Variants in ZNF787 observed in about 807,000 individuals in gnomAD.
The protein encoded by ZNF787 is zinc finger protein 787, also known as TTF-I-interacting peptide 20.
In ZNF787, 7 loss-of-function variants were observed where a neutral mutation model predicts 16.9. The observed-to-expected ratio is 0.42, with a 90% CI of 0.24 to 0.78. The LOEUF (loss-of-function observed/expected upper bound fraction) is 0.78. ZNF787 is among the 30% of genes least tolerant of loss of function. The pLI, the probability that ZNF787 is intolerant of heterozygous loss-of-function variation, is 0.30. For synonymous variants in ZNF787, 345 were observed against 270.9 expected (o/e 1.27, Z -2.69); for missense variants, 551 against 589.3 (o/e 0.94, Z 0.67).
At chr19:56,095,499 G>A (rs1985837285) in intron 2 of ZNF787, among the ~76,000 whole-genome samples, 1 of 152,186 alleles carries the variant, frequency 6.6e-6, no homozygotes, top group Non-Finnish European at 1.5e-5. Context: ...TTGGTTCAGG[G>A]TAGCTGTTCT....
chr19:56,108,590 AC>A (rs2123420700), intron 1 of ZNF787, among the ~76,000 whole-genome samples: 1 of 151,888 alleles, frequency 6.6e-6, no homozygotes, highest in Non-Finnish European at 1.5e-5. Flanking sequence ...TCCTCCCGGC[AC>A]CCTGTCATGT....
intron 1 of ZNF787, among the ~76,000 whole-genome samples, chr19:56,120,085 G>A (rs1007319623): frequency 6.6e-6 from 1 of 152,196 alleles, no homozygotes; most frequent in African/African-American, 2.4e-5. Flanking sequence ...TCTCCATCAG[G>A]GGTCTGGTCA....
At chr19:56,109,331 G>T (rs182039260) in intron 1 of ZNF787, among the ~76,000 whole-genome samples, 1 of 152,138 alleles carries the variant, frequency 6.6e-6, no homozygotes, top group South Asian at 2.1e-4. Flanking sequence ...CAGCAGATGC[G>T]AGAAGGGTGC....
At position 56,088,014 on chromosome 19, in the gene ZNF787, G is replaced by GCCCCCCCCCA; in HGVS notation, c.*8_*9insTGGGGGGGGG. The GCCCCCCCCCA allele has an allele frequency of 1.0e-6, 1 of 1,001,640 alleles. No homozygotes were observed. The highest frequency in any genetic ancestry group is 4.1e-5 in the South Asian group (1 of 24,616). The allele number at this position is 1,001,640 out of a possible 1,614,324, so 62.0% of individuals were successfully genotyped here. Reference sequence around the variant, plus strand: ...GGGCCCTGCCCGCCCCCCCCCCCGGGCCCCTCCCCTACCGGCCCTCCCCAC... The same window carrying GCCCCCCCCCA: ...GGGCCCTGCCCGCCCCCCCCCCCGGGCCCCCCCCCACCCCTCCCCTACCGGCCCTCCCCAC... On this transcript the variant is annotated 3_prime_UTR_variant, in exon 3 of 3. Coordinates refer to ENST00000610935, the MANE Select transcript of ZNF787 (RefSeq NM_001002836.4). The surrounding 1 kb of genome is among the most constrained non-coding windows in gnomAD (Gnocchi z 8.6).
chr19:56,113,688 C>CAGATCA (rs2030047342), intron 1 of ZNF787, among the ~76,000 whole-genome samples: 1 of 50,902 alleles, frequency 2.0e-5, no homozygotes, highest in East Asian at 1.2e-3. Context: ...GGAACCGGGA[C>CAGATCA]GCAGGGAGGC....
chr19:56,103,048 G>C (rs759208783), intron 2 of ZNF787, 91 bp downstream of exon 2: 1 of 1,449,034 alleles, frequency 6.9e-7, no homozygotes, highest in East Asian at 2.3e-5. Context: ...GGGAAAACAG[G>C]GAAGGGGGGT....
intron 1 of ZNF787, among the ~76,000 whole-genome samples, chr19:56,107,606 C>T (rs903718812): frequency 3.4e-5 from 5 of 145,718 alleles, no homozygotes; most frequent in East Asian, 2.0e-4. Flanking sequence ...CCAGGAGGGC[C>T]GAGGTCCTGC....
At chr19:56,115,341 G>A (rs1194217392) in intron 1 of ZNF787, among the ~76,000 whole-genome samples, 1 of 149,302 alleles carries the variant, frequency 6.7e-6, no homozygotes, top group African/African-American at 2.5e-5. Flanking sequence ...GCCGCGGCAC[G>A]TTGATTTCGC....
At position 56,108,806 on chromosome 19, in the gene ZNF787, A is replaced by AC. The variant is rs373589278; in HGVS notation, c.-10-5580dup. On this transcript the variant is annotated intron_variant, in intron 1 of 2. Transcript: ENST00000610935. Reference sequence around the variant, plus strand: ...GACAGGCAGACCTCCCCTCGGACAGACCCCCGTGGGCTCTGGGTGCCTCGG... The same window carrying AC: ...GACAGGCAGACCTCCCCTCGGACAGACCCCCCGTGGGCTCTGGGTGCCTCGG... 5.3e-3 allele frequency among the ~76,000 whole-genome samples: 804 copies of AC among 152,084 alleles called. 7 individuals carry two copies. The highest frequency in any genetic ancestry group is 0.018 in the African/African-American group (755 of 41,484).
chr19:56,119,736 A>G (rs1406567648), intron 1 of ZNF787, among the ~76,000 whole-genome samples: 2 of 152,226 alleles, frequency 1.3e-5, no homozygotes, highest in African/African-American at 4.8e-5. Flanking sequence ...TGGATAAGAC[A>G]TGAGATAAGC....
rs1427843041 is a variant in ZNF787, at chr19:56,089,030, G to A, written c.142C>T (p.Pro48Ser). ...GGGCCGGCTGGGGGCGCAGACTGGGGCGGGGACAGCTTGGTGGGAGGCCAG... is the reference window on the plus strand; with the variant it reads ...GGGCCGGCTGGGGGCGCAGACTGGGACGGGGACAGCTTGGTGGGAGGCCAG... The part of the protein sequence containing the change: ...PSWPPTKLSP[P>S]QSAPPAGPPP... The change falls in exon 3 of 3, where the codon CCC becomes TCC. Residue 48 changes from proline (P) to serine (S), a missense_variant. Pro to Ser is a moderately conservative substitution (Grantham distance 74). Around this residue, in one of 4 missense-constraint regions of ZNF787, gnomAD observed 80 missense variants for 105.9 expected, o/e 0.76. Coordinates refer to ENST00000610935, the MANE Select transcript of ZNF787 (RefSeq NM_001002836.4). The A allele has an allele frequency of 2.0e-6, 3 of 1,474,814 alleles. No individual in the cohort carries two copies. The highest frequency in any genetic ancestry group is 5.3e-5 in the Admixed American group (2 of 37,984). The allele number at this position is 1,474,814 out of a possible 1,614,324, so 91.4% of individuals were successfully genotyped here. A position where few individuals can be genotyped will look rare whatever the true frequency, so the allele number is the denominator to read the frequency against.
intron 1 of ZNF787, among the ~76,000 whole-genome samples, chr19:56,108,904 C>A (rs1156741995): frequency 3.9e-5 from 6 of 152,148 alleles, no homozygotes; most frequent in Non-Finnish European, 8.8e-5. Flanking sequence ...TCTCCAGAGG[C>A]TACCGACAGG....
At chr19:56,103,017 G>C in intron 2 of ZNF787, 122 bp downstream of exon 2, 15 of 1,067,766 alleles carry the variant, frequency 1.4e-5, no homozygotes, top group Non-Finnish European at 2.1e-5. Flanking sequence ...CCAGGGTCGG[G>C]TGGTCCCAGG....
At position 56,088,245 on chromosome 19, in the gene ZNF787, C is replaced by T; in HGVS notation, c.927G>A (p.Ala309=). 2 of 1,474,214 alleles carry T rather than the reference C, an allele frequency of 1.4e-6. No individual in the cohort carries two copies. Among genetic ancestry groups the T allele is most frequent in the Admixed American group, 4.5e-5 (2 of 43,978 alleles). 91.3% of individuals were successfully genotyped at this position (1,474,214 alleles called of 1,614,324 possible). A position where few individuals can be genotyped will look rare whatever the true frequency, so the allele number is the denominator to read the frequency against. Residue 309 remains alanine, a synonymous_variant, in exon 3 of 3, where the codon GCG becomes GCA. Coordinates refer to ENST00000610935, the MANE Select transcript of ZNF787 (RefSeq NM_001002836.4). The surrounding 1 kb of genome is among the most constrained non-coding windows in gnomAD (Gnocchi z 8.6). ...QRAQHGDGLG[A]AGGEEPAHIC... is the part of the protein sequence containing the mutation. ...TGTGGGCCGGCTCCTCGCCCCCCGC[C>T]GCCCCGAGCCCGTCCCCGTGCTGGG...
rs775606945 is a variant in ZNF787, at chr19:56,088,422, G to A, written c.750C>T (p.Gly250=). The change falls in exon 3 of 3, where the codon GGC becomes GGT. Residue 250 remains glycine, a synonymous_variant. Coordinates refer to ENST00000610935, the MANE Select transcript of ZNF787 (RefSeq NM_001002836.4). This position sits in a 1 kb window ranked among gnomAD's most constrained non-coding sequence, Gnocchi z 8.6. ...GEGIIVVGAP[G]EGAAAAAAMA... ...TGGCTGCCGCGGCCGCGGCCCCCTC[G>A]CCCGGCGCGCCCACCACGATGATGC... 32 of 1,155,666 alleles carry A rather than the reference G, an allele frequency of 2.8e-5. No individual in the cohort carries two copies. Among genetic ancestry groups the A allele is most frequent in the South Asian group, 7.5e-5 (2 of 26,540 alleles). 71.6% of individuals were successfully genotyped at this position (1,155,666 alleles called of 1,614,324 possible).
chr19:56,102,981 T>G (rs1425901537), intron 2 of ZNF787, 158 bp downstream of exon 2: 1 of 758,302 alleles, frequency 1.3e-6, no homozygotes, highest in South Asian at 1.4e-5. Flanking sequence ...CAGCCAGGAG[T>G]GCAAGGCCCA....
rs372049125 is a variant in ZNF787, at chr19:56,087,609, T to C, written c.*414A>G. 421 of 160,002 alleles carry C rather than the reference T, an allele frequency of 2.6e-3. 2 individuals carry two copies. The highest frequency in any genetic ancestry group is 9.9e-3 in the African/African-American group (413 of 41,754). The allele number at this position is 160,002 out of a possible 1,614,324, so 9.9% of individuals were successfully genotyped here. ...TTCTAAAAGAGAAAAGGGCCCCTGG[T>C]TCTCTTCCCTCTCTGGGATCCTCTA... is the stretch of plus-strand genomic sequence containing the variant. On this transcript the variant is annotated 3_prime_UTR_variant, in exon 3 of 3. Transcript: ENST00000610935.
intron 2 of ZNF787, chr19:56,101,608 G>A (rs907615948): frequency 6.6e-6 from 1 of 152,012 alleles, no homozygotes; most frequent in African/African-American, 2.4e-5. Flanking sequence ...ATGACATTTT[G>A]TTAGATGAGA....
At chr19:56,110,361 CAAA>C (rs761035056) in intron 1 of ZNF787, among the ~76,000 whole-genome samples, 1 of 112,906 alleles carries the variant, frequency 8.9e-6, no homozygotes, top group Non-Finnish European at 1.9e-5. Context: ...GACTCCGTCT[CAAA>C]AAAAAAAAAA....
Sources: allele counts gnomAD v4.1 joint callset (sites outside exome capture counted in the v4.1 genomes callset), GRCh38; gene constraint gnomAD v4.1.1; regional missense constraint gnomAD v4.1.1; non-coding constraint Gnocchi (gnomAD v3.1); transcripts MANE v1.5; gene names NCBI Gene and HGNC (gene_info 2026-07-23, HGNC 2026-07-21).